HSPA12B: variants seen among roughly 807,000 people sequenced by gnomAD.
The protein encoded by HSPA12B is heat shock protein family A (Hsp70) member 12B.
A neutral mutation model predicts 69.3 loss-of-function variants in HSPA12B; 54 were observed. That is an observed-to-expected ratio of 0.78 (90% CI 0.63 to 0.98). The LOEUF (loss-of-function observed/expected upper bound fraction) is 0.98. HSPA12B is among the 50% of genes least tolerant of loss of function. HSPA12B has a pLI of 0.00. For missense variants in HSPA12B, 929 were observed against 999.8 expected, an observed-to-expected ratio of 0.93 and a Z score of 0.96; for synonymous variants, 441 against 436.5, an observed-to-expected ratio of 1.01 and a Z score of -0.13.
rs775253444 is a variant in HSPA12B at position 3,745,628 on chromosome 20, G to A, written c.558+31G>A. 6.3e-7 allele frequency: 1 copy of A among 1,586,894 alleles called. No individual in the cohort carries two copies. On this transcript the variant is annotated intron_variant, in intron 6 of 12. Coordinates refer to ENST00000254963, the MANE Select transcript of HSPA12B (RefSeq NM_052970.5). The surrounding 1 kb of genome is among the most constrained non-coding windows in gnomAD (Gnocchi z 5.6). Reference sequence around the variant, plus strand: ...CTGCGGCCCCACCTCTGCCGACTGTGGCAGGGACCCCCTATTTTCCCCTCA... The same window carrying A: ...CTGCGGCCCCACCTCTGCCGACTGTAGCAGGGACCCCCTATTTTCCCCTCA...
chr20:3,751,864 G>T lies in HSPA12B; in HGVS notation c.1759G>T (p.Gly587Cys), dbSNP rs768395936. ...FVAAEQSVAL[G>C]EEVRRSYCPA... is the part of the protein sequence containing the mutation. ...GGCCGCCGAGCAGTCGGTGGCCCTG[G>T]GCGAGGAGGTGCGGCGCAGCTACTG... The change falls in exon 13 of 13, where the codon GGC becomes TGC. Residue 587 changes from glycine (G) to cysteine (C), a missense_variant. Physicochemically the swap from Gly to Cys is radical, Grantham distance 159. This residue lies in a region of HSPA12B where 448 missense variants were observed against 448.1 expected (regional missense o/e 1.00). Transcript: ENST00000254963. 1.3e-6 allele frequency: 2 copies of T among 1,555,118 alleles called. No homozygotes were observed.
In HSPA12B at chr20:3,749,394, T is replaced by C; in HGVS notation, c.937+76T>C. 1 of 1,327,878 alleles carries C rather than the reference T, an allele frequency of 7.5e-7. No individual in the cohort carries two copies. The highest frequency in any genetic ancestry group is 1.1e-6 in the Non-Finnish European group (1 of 942,370). The allele number at this position is 1,327,878 out of a possible 1,614,324, so 82.3% of individuals were successfully genotyped here. A position where few individuals can be genotyped will look rare whatever the true frequency, so the allele number is the denominator to read the frequency against. ...TATACTGATGGGGGGAAGGGCATGT[T>C]TGCAAAGCCCGTCTCTTCCTCCTCC... is the stretch of plus-strand genomic sequence containing the variant. On this transcript the variant is annotated intron_variant, in intron 9 of 12. Coordinates refer to ENST00000254963, the MANE Select transcript of HSPA12B (RefSeq NM_052970.5). The surrounding 1 kb of genome is among the most constrained non-coding windows in gnomAD (Gnocchi z 5.5).
chr20:3,746,561 C>G (rs2088310512), intron 7 of HSPA12B, among the ~76,000 whole-genome samples: 1 of 151,934 alleles, frequency 6.6e-6, no homozygotes, highest in Non-Finnish European at 1.5e-5. Flanking sequence ...CTCGGCCTCC[C>G]AAAGTGCTGG....
At position 3,751,809 on chromosome 20, in the gene HSPA12B, C is replaced by T. The variant is rs1343863746; in HGVS notation, c.1704C>T (p.Arg568=). ...AGCTGCTGGTTCGCGACGGCCGCCG[C>T]TGGTGCACCGACGTCTTCGAGCGCT... The part of the protein sequence containing the change: ...PEKLLVRDGR[R]WCTDVFERFV... The change falls in exon 13 of 13, where the codon CGC becomes CGT. Residue 568 remains arginine, a synonymous_variant. Transcript: ENST00000254963. 6.5e-7 allele frequency: 1 copy of T among 1,531,212 alleles called. No individual in the cohort carries two copies. Among genetic ancestry groups the T allele is most frequent in the Admixed American group, 2.0e-5 (1 of 50,670 alleles). 94.9% of individuals were successfully genotyped at this position (1,531,212 alleles called of 1,614,324 possible).
chr20:3,750,030 C>A lies in HSPA12B; in HGVS notation c.1104C>A (p.Phe368Leu), dbSNP rs769739525. 1.2e-6 allele frequency: 2 copies of A among 1,601,176 alleles called. No individual in the cohort carries two copies. Among genetic ancestry groups the A allele is most frequent in the Non-Finnish European group, 1.7e-6 (2 of 1,174,730 alleles). The change falls in exon 11 of 13, where the codon TTC becomes TTA. Residue 368 changes from phenylalanine (F) to leucine (L), a missense_variant. This residue lies in a region of HSPA12B where 477 missense variants were observed against 535.2 expected (regional missense o/e 0.89). Transcript: ENST00000254963. ...TCGAGCAGCTGCTGTGCCGCATCTTCGGCGAGGACTTCATCGCCACCTTCA... is the reference window on the plus strand; with the variant it reads ...TCGAGCAGCTGCTGTGCCGCATCTTAGGCGAGGACTTCATCGCCACCTTCA... ...LAFEQLLCRI[F>L]GEDFIATFKR...
In HSPA12B at chr20:3,752,100, G is replaced by A. The variant is rs766866143; in HGVS notation, c.1995G>A (p.Lys665=). 6.6e-7 allele frequency: 1 copy of A among 1,512,372 alleles called. No homozygotes were observed. The highest frequency in any genetic ancestry group is 2.4e-5 in the East Asian group (1 of 41,490). 93.7% of individuals were successfully genotyped at this position (1,512,372 alleles called of 1,614,324 possible). The change falls in exon 13 of 13, where the codon AAG becomes AAA. Residue 665 remains lysine, a synonymous_variant. Coordinates refer to ENST00000254963, the MANE Select transcript of HSPA12B (RefSeq NM_052970.5). ...AAMQFGDTEI[K]VTAVDVSTNR... ...TGCAGTTTGGCGACACCGAAATTAA[G>A]GTCACCGCCGTCGACGTCAGCACCA...
At chr20:3,734,737 A>ATT (rs35209985) in intron 1 of HSPA12B, among the ~76,000 whole-genome samples, 59,717 of 120,038 alleles carry the variant, frequency 0.5, 16,365 homozygotes, top group Non-Finnish European at 0.61. Context: ...CTTTAACACA[A>ATT]TTTTTTTTTT....
intron 12 of HSPA12B, 102 bp from the exon 13 acceptor site, chr20:3,751,409 G>C: frequency 7.4e-7 from 1 of 1,353,696 alleles, no homozygotes; most frequent in East Asian, 2.9e-5. Flanking sequence ...GGCTAGGGAG[G>C]GGAGGCGCCG....
At chr20:3,735,374 C>T (rs1017675819) in intron 1 of HSPA12B, among the ~76,000 whole-genome samples, 11 of 152,112 alleles carry the variant, frequency 7.2e-5, no homozygotes, top group African/African-American at 1.4e-4. Flanking sequence ...CAATGAGAGA[C>T]GGTAGATAAC....
rs568154836 is a variant in HSPA12B at position 3,737,107 on chromosome 20, T to C, written c.-17-1551T>C. On this transcript the variant is annotated intron_variant, in intron 1 of 12. Coordinates refer to ENST00000254963, the MANE Select transcript of HSPA12B (RefSeq NM_052970.5). This position sits in a 1 kb window ranked among gnomAD's most constrained non-coding sequence, Gnocchi z 4.1. ...AAATAAATAAATAAATAAATAAATA[T>C]GAAATACATGTTCTGATTCAGCAGG... is the stretch of plus-strand genomic sequence containing the variant. 2.7e-5 allele frequency among the ~76,000 whole-genome samples: 4 copies of C among 145,630 alleles called. No individual in the cohort carries two copies. The South Asian group carries it at 9.5e-4, about 34-fold the overall frequency.
intron 7 of HSPA12B, among the ~76,000 whole-genome samples, 171 bp from the exon 8 acceptor site, chr20:3,748,046 G>A (rs962758616): frequency 6.6e-6 from 1 of 152,264 alleles, no homozygotes; most frequent in Non-Finnish European, 1.5e-5. Flanking sequence ...GCGTGGCTAT[G>A]AGGCAGCTCC....
chr20:3,742,325 GGT>G lies in HSPA12B; in HGVS notation c.185_186del (p.Val62GlyfsTer4). On this transcript the variant is annotated frameshift_variant, in exon 4 of 13. Coordinates refer to ENST00000254963, the MANE Select transcript of HSPA12B (RefSeq NM_052970.5). LOFTEE classifies it high-confidence loss of function. ...RAPQQASFSV[V>X]VAIDFGTTSS... ...CCCCCCAGCAGGCCTCCTTCTCTGT[GGT>G]GGTGGCCATTGACTTCGGCACCACG... 6.2e-7 allele frequency: 1 copy of G among 1,614,122 alleles called. No homozygotes were observed. Among genetic ancestry groups the G allele is most frequent in the East Asian group, 2.2e-5 (1 of 44,880 alleles).
chr20:3,738,992 A>G (rs2088152441), intron 2 of HSPA12B, among the ~76,000 whole-genome samples: 1 of 151,764 alleles, frequency 6.6e-6, no homozygotes, highest in Non-Finnish European at 1.5e-5. Flanking sequence ...TGTGTATATG[A>G]GTGTGGGCTG....
At chr20:3,747,160 C>G (rs1259306316) in intron 7 of HSPA12B, among the ~76,000 whole-genome samples, 1 of 152,156 alleles carries the variant, frequency 6.6e-6, no homozygotes, top group African/African-American at 2.4e-5. Context: ...GGCATAGCCT[C>G]AAGACTCATT....
At position 3,752,889 on chromosome 20, in the gene HSPA12B, T is replaced by C. The variant is rs911427155; in HGVS notation, c.*723T>C. ...CCCCACTTGCACCCCACCCCAGCCATGGAAGAGCAGCTGGAGGGTGGATGG... is the reference window on the plus strand; with the variant it reads ...CCCCACTTGCACCCCACCCCAGCCACGGAAGAGCAGCTGGAGGGTGGATGG... On this transcript the variant is annotated 3_prime_UTR_variant, in exon 13 of 13. Coordinates refer to ENST00000254963, the MANE Select transcript of HSPA12B (RefSeq NM_052970.5). 5.2e-5 allele frequency: 8 copies of C among 153,832 alleles called. No individual in the cohort carries two copies. The highest frequency in any genetic ancestry group is 1.9e-4 in the African/African-American group (8 of 41,552). The allele number at this position is 153,832 out of a possible 1,614,324, so 9.5% of individuals were successfully genotyped here. A position where few individuals can be genotyped will look rare whatever the true frequency, so the allele number is the denominator to read the frequency against.
intron 7 of HSPA12B, among the ~76,000 whole-genome samples, chr20:3,746,739 A>G (rs1415395127): frequency 6.6e-6 from 1 of 152,202 alleles, no homozygotes; most frequent in Non-Finnish European, 1.5e-5. Context: ...AGCCTCAGCT[A>G]GATCCCATGG....
chr20:3,744,383 G>A lies in HSPA12B; in HGVS notation c.267-519G>A, dbSNP rs1036328618. ...CATGCTGGGGCTAAGGACACATCCA[G>A]GAACACTGTCTCTGTCCTGTGGAGG... On this transcript the variant is annotated intron_variant, in intron 4 of 12. Transcript: ENST00000254963. The surrounding 1 kb of genome is among the most constrained non-coding windows in gnomAD (Gnocchi z 4.9). Among the ~76,000 whole-genome samples the A allele has an allele frequency of 5.3e-5, 8 of 152,218 alleles. No homozygotes were observed. The highest frequency in any genetic ancestry group is 1.7e-4 in the African/African-American group (7 of 41,450).
chr20:3,745,746 T>C lies in HSPA12B; in HGVS notation c.558+149T>C. 3.2e-6 allele frequency: 3 copies of C among 927,282 alleles called. No individual in the cohort carries two copies. Among genetic ancestry groups the C allele is most frequent in the Non-Finnish European group, 5.2e-6 (3 of 580,018 alleles). The allele number at this position is 927,282 out of a possible 1,614,324, so 57.4% of individuals were successfully genotyped here. A position where few individuals can be genotyped will look rare whatever the true frequency, so the allele number is the denominator to read the frequency against. On this transcript the variant is annotated intron_variant, in intron 6 of 12. Coordinates refer to ENST00000254963, the MANE Select transcript of HSPA12B (RefSeq NM_052970.5). The surrounding 1 kb of genome is among the most constrained non-coding windows in gnomAD (Gnocchi z 5.6). The stretch of plus-strand genomic sequence containing the variant: ...TCTTCTCCAGTACCCTCCTCCCTTT[T>C]TGTCTGGTAGAGCCTGCACCAAGCC...
At chr20:3,735,772 C>CT (rs34449307) in intron 1 of HSPA12B, among the ~76,000 whole-genome samples, 2,216 of 151,988 alleles carry the variant, frequency 0.015, 41 homozygotes, top group Middle Eastern at 0.017. Flanking sequence ...GGCCCAGAGT[C>CT]TTTTTTTTCT....
Sources: gnomAD v4.1 joint callset for allele counts (sites outside exome capture counted in the v4.1 genomes callset) on GRCh38, gnomAD v4.1.1 for gene constraint, gnomAD v4.1.1 regional missense constraint, Gnocchi (gnomAD v3.1) non-coding constraint, MANE v1.5 for transcripts, NCBI Gene and HGNC (gene_info 2026-07-23, HGNC 2026-07-21) for gene names.